MACROD2: variants seen among roughly 807,000 people sequenced by gnomAD.
MACROD2 encodes mono-ADP ribosylhydrolase 2.
MACROD2 carries 36 observed loss-of-function variants against 70.4 expected under a neutral mutation model. The ratio of observed to expected loss-of-function variants is 0.51; its 90% CI spans 0.39 to 0.68. MACROD2 has a LOEUF of 0.68. Ranked by LOEUF, MACROD2 falls within the 30% of genes least tolerant of loss-of-function variation. MACROD2 has a pLI of 0.00. For synonymous variants in MACROD2, 172 were observed against 178.8 expected (o/e 0.96, Z 0.30); for missense variants, 496 against 538.4 (o/e 0.92, Z 0.78).
At position 15,102,824 on chromosome 20, in the gene MACROD2, T is replaced by TC. The variant is rs1268842065; in HGVS notation, c.419-127112dup. Among the ~76,000 whole-genome samples the TC allele has an allele frequency of 5.9e-5, 9 of 152,028 alleles. No individual in the cohort carries two copies. In the East Asian group the frequency reaches 1.7e-3, roughly 29 times the overall value. On this transcript the variant is annotated intron_variant, in intron 5 of 17. Transcript: ENST00000684519. ...GAGAAAGGATGAGAAAGGCATGATA[T>TC]CCCCATATAATAGACAGCTGTACAC...
intron 6 of MACROD2, among the ~76,000 whole-genome samples, chr20:15,354,360 GT>G (rs1172315106): frequency 1.3e-5 from 2 of 152,014 alleles, no homozygotes; most frequent in Non-Finnish European, 1.5e-5. Context: ...TGGGGTGGGG[GT>G]AGCGGGGAGG....
At chr20:14,973,060 C>T (rs2074706023) in intron 5 of MACROD2, among the ~76,000 whole-genome samples, 1 of 152,030 alleles carries the variant, frequency 6.6e-6, no homozygotes, top group Non-Finnish European at 1.5e-5. Context: ...TTATTTTCAT[C>T]CTCATTATAC....
At chr20:14,484,279 AT>A (rs1056488493) in intron 3 of MACROD2, among the ~76,000 whole-genome samples, 10 of 151,572 alleles carry the variant, frequency 6.6e-5, no homozygotes, top group Non-Finnish European at 1.0e-4. Context: ...ACTTTGGAGA[AT>A]TTTTTTTTAA....
chr20:15,045,307 C>T (rs1195867571), intron 5 of MACROD2, among the ~76,000 whole-genome samples: 5 of 152,144 alleles, frequency 3.3e-5, no homozygotes, highest in African/African-American at 1.2e-4. Flanking sequence ...GCTTGGGAAT[C>T]CCAAACATCC....
chr20:14,244,024 A>T (rs2081949630), intron 3 of MACROD2, among the ~76,000 whole-genome samples: 1 of 152,222 alleles, frequency 6.6e-6, no homozygotes, highest in South Asian at 2.1e-4. Flanking sequence ...TCCTTACTGG[A>T]ACATCTAAAG....
chr20:14,141,847 T>A (rs2054879800), intron 3 of MACROD2, among the ~76,000 whole-genome samples: 1 of 151,172 alleles, frequency 6.6e-6, no homozygotes, highest in South Asian at 2.1e-4. Context: ...TTATAACTTT[T>A]ATTATTCTTT....
intron 5 of MACROD2, among the ~76,000 whole-genome samples, chr20:15,036,633 C>G (rs887405202): frequency 2.0e-5 from 3 of 152,080 alleles, no homozygotes; most frequent in African/African-American, 7.2e-5. Context: ...AAATCACCAC[C>G]GTGATTTTTA....
chr20:14,465,997 T>G (rs2084442262), intron 3 of MACROD2, among the ~76,000 whole-genome samples: 2 of 152,094 alleles, frequency 1.3e-5, no homozygotes, highest in Admixed American at 1.3e-4. Flanking sequence ...TTGGTGAATC[T>G]GACAATTATG....
intron 6 of MACROD2, among the ~76,000 whole-genome samples, chr20:15,350,199 C>T (rs1306584406): frequency 6.6e-6 from 1 of 152,092 alleles, no homozygotes; most frequent in Non-Finnish European, 1.5e-5. Flanking sequence ...TTTGTTTTTT[C>T]GTCATTATAG....
At position 14,951,532 on chromosome 20, in the gene MACROD2, G is replaced by A. The variant is rs1365193282; in HGVS notation, c.418+266573G>A. Reference sequence around the variant, plus strand: ...CTGTCATAGTCATGAAGTAAGAGAGGAGTGGTGGCACCTGTACCACATATT... The same window carrying A: ...CTGTCATAGTCATGAAGTAAGAGAGAAGTGGTGGCACCTGTACCACATATT... On this transcript the variant is annotated intron_variant, in intron 5 of 17. Transcript: ENST00000684519. 9.2e-5 allele frequency among the ~76,000 whole-genome samples: 14 copies of A among 152,218 alleles called. No homozygotes were observed. The South Asian group carries it at 2.7e-3, about 29-fold the overall frequency.
intron 8 of MACROD2, among the ~76,000 whole-genome samples, chr20:15,676,603 T>C (rs2050060930): frequency 6.6e-6 from 1 of 152,220 alleles, no homozygotes; most frequent in African/African-American, 2.4e-5. Context: ...TATGGGGCAG[T>C]TGAAACTGTA....
Position 15,230,057 on chromosome 20 carries a change from C to G in MACROD2, c.536C>G (p.Ser179Ter). Reference sequence around the variant, plus strand: ...CTCGTGAAAGAAAATAACATCCGATCAGTTGTAAGTAATTTTATGTTTTTT... The same window carrying G: ...CTCGTGAAAGAAAATAACATCCGATGAGTTGTAAGTAATTTTATGTTTTTT... ...LKLVKENNIR[S>*]VAFPCISTGI... Residue 179 changes from serine (S) to a stop codon, truncating the protein, a stop_gained, in exon 6 of 18, where the codon TCA (serine) becomes TGA (stop). Transcript: ENST00000684519. LOFTEE classifies it high-confidence loss of function. The G allele has an allele frequency of 6.2e-7, 1 of 1,612,684 alleles. No homozygotes were observed. Among genetic ancestry groups the G allele is most frequent in the Non-Finnish European group, 8.5e-7 (1 of 1,179,224 alleles).
intron 3 of MACROD2, among the ~76,000 whole-genome samples, chr20:14,384,540 A>G (rs930450713): frequency 4.6e-5 from 7 of 152,072 alleles, no homozygotes; most frequent in Non-Finnish European, 1.0e-4. Flanking sequence ...TCTACATTCC[A>G]TTGCAGTTGA....
At chr20:14,824,053 A>G (rs558099245) in intron 5 of MACROD2, among the ~76,000 whole-genome samples, 1 of 152,270 alleles carries the variant, frequency 6.6e-6, no homozygotes, top group South Asian at 2.1e-4. Context: ...AAAGCCAAAC[A>G]CATAAAAATT....
intron 8 of MACROD2, among the ~76,000 whole-genome samples, chr20:15,764,667 T>C (rs1202320719): frequency 2.6e-5 from 4 of 152,188 alleles, no homozygotes; most frequent in Non-Finnish European, 5.9e-5. Context: ...TTGCCTTTCA[T>C]CTAAGCTGCT....
At chr20:15,010,056 C>T (rs972674348) in intron 5 of MACROD2, among the ~76,000 whole-genome samples, 10 of 152,066 alleles carry the variant, frequency 6.6e-5, no homozygotes, top group Non-Finnish European at 1.2e-4. Context: ...AACATGTTGC[C>T]CTACAGAAAT....
At chr20:15,662,163 C>A (rs1423399610) in intron 8 of MACROD2, among the ~76,000 whole-genome samples, 1 of 152,224 alleles carries the variant, frequency 6.6e-6, no homozygotes, top group African/African-American at 2.4e-5. Flanking sequence ...GTTCCCACTG[C>A]ACTGAAATTG....
intron 5 of MACROD2, among the ~76,000 whole-genome samples, chr20:14,962,637 T>A (rs899014357): frequency 6.6e-5 from 10 of 151,538 alleles, no homozygotes; most frequent in African/African-American, 2.4e-4. Flanking sequence ...GAATACCTCC[T>A]CTTCCTCTTT....
intron 8 of MACROD2, among the ~76,000 whole-genome samples, chr20:15,762,676 G>A (rs1306903625): frequency 6.6e-6 from 1 of 152,180 alleles, no homozygotes; most frequent in Non-Finnish European, 1.5e-5. Context: ...TTATGGCTAT[G>A]AGAAGAATAT....
Sources: allele counts gnomAD v4.1 joint callset (sites outside exome capture counted in the v4.1 genomes callset), GRCh38; gene constraint gnomAD v4.1.1; transcripts MANE v1.5; gene names NCBI Gene and HGNC (gene_info 2026-07-23, HGNC 2026-07-21).